ARL2: variants seen among roughly 807,000 people sequenced by gnomAD.
ARL2 encodes the protein ARF like GTPase 2.
In ARL2, 11 loss-of-function variants were observed where a neutral mutation model predicts 22.0. The observed-to-expected ratio is 0.50, with a 90% confidence interval of 0.31 to 0.83. ARL2 has a LOEUF of 0.83. ARL2 is among the 40% of genes least tolerant of loss of function. ARL2 has a pLI of 0.04. For missense variants in ARL2, 216 were observed against 243.2 expected (o/e 0.89, Z 0.74); for synonymous variants, 111 against 100.8 (o/e 1.10, Z -0.61).
chr11:65,020,324 G>A lies in ARL2; in HGVS notation c.340-95G>A, dbSNP rs993455603. ...CACGGGGCCTCACCTTGATCTTCCA[G>A]GTCGATCCTTCACCCCAGATGCTCT... On this transcript the variant is annotated intron_variant, in intron 3 of 4. Coordinates refer to ENST00000246747, the MANE Select transcript of ARL2 (RefSeq NM_001667.4). The A allele has an allele frequency of 7.5e-6, 8 of 1,068,530 alleles. No homozygotes were observed. The Admixed American group carries it at 1.4e-4, about 18-fold the overall frequency. The allele number at this position is 1,068,530 out of a possible 1,614,324, so 66.2% of individuals were successfully genotyped here.
At position 65,018,421 on chromosome 11, in the gene ARL2, C is replaced by G. The variant is rs907294168; in HGVS notation, c.123C>G (p.Ile41Met). The stretch of plus-strand genomic sequence containing the variant: ...TGAAGAAGTTCAATGGGGAGGACAT[C>G]GACACCATCTCCCCAACGCTGGGCT... ...TILKKFNGED[I>M]DTISPTLGFN... The change falls in exon 2 of 5, where the codon ATC becomes ATG. Residue 41 changes from isoleucine (I) to methionine (M), a missense_variant. Physicochemically the swap from Ile to Met is conservative, Grantham distance 10. Coordinates refer to ENST00000246747, the MANE Select transcript of ARL2 (RefSeq NM_001667.4). The surrounding 1 kb of genome is among the most constrained non-coding windows in gnomAD (Gnocchi z 4.2). 2 of 1,609,660 alleles carry G rather than the reference C, an allele frequency of 1.2e-6. No individual in the cohort carries two copies. Among genetic ancestry groups the G allele is most frequent in the Non-Finnish European group, 1.7e-6 (2 of 1,178,374 alleles).
chr11:65,018,477 G>T lies in ARL2; in HGVS notation c.176+3G>T. 1.2e-6 allele frequency: 2 copies of T among 1,606,290 alleles called. No individual in the cohort carries two copies. The highest frequency in any genetic ancestry group is 2.2e-5 in the South Asian group (2 of 89,430). ...ATCAAGACCCTGGAGCACCGAGGGT[G>T]AGCAGGGGCCCCATGGGAGGGCCAG... On this transcript the variant is annotated splice_donor_region_variant and intron_variant, in intron 2 of 4. Coordinates refer to ENST00000246747, the MANE Select transcript of ARL2 (RefSeq NM_001667.4). This position sits in a 1 kb window ranked among gnomAD's most constrained non-coding sequence, Gnocchi z 4.2.
chr11:65,021,798 G>A lies in ARL2; in HGVS notation c.498G>A (p.Leu166=). Residue 166 remains leucine (L), a synonymous_variant, in exon 5 of 5, where the codon CTG becomes CTA. Transcript: ENST00000246747. ...GCGCCGTCACCGGGGAGAACCTGCT[G>A]CCGGGCATCGACTGGCTCCTGGATG... The part of the protein sequence containing the change: ...GCSAVTGENL[L]PGIDWLLDDI... 1 of 1,613,440 alleles carries A rather than the reference G, an allele frequency of 6.2e-7. No homozygotes were observed. Among genetic ancestry groups the A allele is most frequent in the African/African-American group, 1.3e-5 (1 of 75,034 alleles).
intron 4 of ARL2, among the ~76,000 whole-genome samples, chr11:65,021,121 C>T (rs911807596): frequency 1.3e-5 from 2 of 152,180 alleles, no homozygotes; most frequent in African/African-American, 2.4e-5. Flanking sequence ...TCACAACCAC[C>T]TCATGAGGTG....
chr11:65,014,794 TG>T (rs1946230266), intron 1 of ARL2, among the ~76,000 whole-genome samples: 1 of 152,198 alleles, frequency 6.6e-6, no homozygotes, highest in Admixed American at 6.5e-5. Context: ...TGTGTGTGTG[TG>T]GGCCCGAGTG....
chr11:65,022,093 A>C lies in ARL2; in HGVS notation c.*238A>C. 1.8e-6 allele frequency: 1 copy of C among 552,716 alleles called. No individual in the cohort carries two copies. The highest frequency in any genetic ancestry group is 3.2e-6 in the Non-Finnish European group (1 of 313,986). 34.2% of individuals were successfully genotyped at this position (552,716 alleles called of 1,614,324 possible). ...CCTTTGGCTACCATACCAAGAAGAG[A>C]GGGCTGGGCGGGGAGGAGCTGCTAC... On this transcript the variant is annotated 3_prime_UTR_variant, in exon 5 of 5. Coordinates refer to ENST00000246747, the MANE Select transcript of ARL2 (RefSeq NM_001667.4).
In ARL2 at chr11:65,021,045, G is replaced by A. The variant is rs539100345; in HGVS notation, c.420+546G>A. ...GCGCATGTGTTGTTCACAGGCTAACGGTAGCCAGCACAAGTCAGTGCTTTC... is the reference window on the plus strand; with the variant it reads ...GCGCATGTGTTGTTCACAGGCTAACAGTAGCCAGCACAAGTCAGTGCTTTC... On this transcript the variant is annotated intron_variant, in intron 4 of 4. Transcript: ENST00000246747. 1.4e-4 allele frequency among the ~76,000 whole-genome samples: 21 copies of A among 152,332 alleles called. No individual in the cohort carries two copies. In the East Asian group the frequency reaches 3.7e-3, roughly 27 times the overall value.
chr11:65,020,676 C>G, intron 4 of ARL2, 177 bp downstream of exon 4: 1 of 600,670 alleles, frequency 1.7e-6, no homozygotes, highest in Non-Finnish European at 2.9e-6. Flanking sequence ...CGAGACCAGC[C>G]TGACCAACAT....
chr11:65,021,573 T>A, intron 4 of ARL2, 148 bp from the exon 5 acceptor site: 2 of 1,040,118 alleles, frequency 1.9e-6, no homozygotes, highest in Non-Finnish European at 2.7e-6. Flanking sequence ...AAACTCTCCC[T>A]GGGACCGGCG....
rs777969505 is a variant in ARL2, at chr11:65,014,164, C to T, written c.-44C>T. ...CCAACAGGAACCGGGAGCGGGGTCC[C>T]GGGACTGGGAAGAAACGGCGGCCGG... On this transcript the variant is annotated 5_prime_UTR_variant, in exon 1 of 5. Transcript: ENST00000246747. 4 of 1,480,654 alleles carry T rather than the reference C, an allele frequency of 2.7e-6. No homozygotes were observed. Among genetic ancestry groups the T allele is most frequent in the African/African-American group, 1.5e-5 (1 of 68,476 alleles). The allele number at this position is 1,480,654 out of a possible 1,614,324, so 91.7% of individuals were successfully genotyped here.
chr11:65,018,851 G>C lies in ARL2; in HGVS notation c.339+118G>C. ...AGAGGCAGGATCCCTTCCTTCTCTG[G>C]GCCCCCACCATGGGAGGCCCATGGT... On this transcript the variant is annotated intron_variant, in intron 3 of 4. Transcript: ENST00000246747. This position sits in a 1 kb window ranked among gnomAD's most constrained non-coding sequence, Gnocchi z 4.2. 3 of 1,542,554 alleles carry C rather than the reference G, an allele frequency of 1.9e-6. No individual in the cohort carries two copies. Among genetic ancestry groups the C allele is most frequent in the Non-Finnish European group, 2.6e-6 (3 of 1,150,034 alleles).
intron 1 of ARL2, among the ~76,000 whole-genome samples, chr11:65,016,761 C>T (rs1946261908): frequency 6.6e-6 from 1 of 151,806 alleles, no homozygotes; most frequent in Admixed American, 6.6e-5. Flanking sequence ...TGGGTGTTAT[C>T]AGGATAGAGA....
Position 65,014,377 on chromosome 11 carries a change from A to C in ARL2, c.65+105A>C, listed in dbSNP as rs931987646. ...GGAACGCGGCGGCCGGCGCGTCCCA[A>C]CTGCCCCTGGCGTCACCACGCGGGC... On this transcript the variant is annotated intron_variant, in intron 1 of 4. Transcript: ENST00000246747. The C allele has an allele frequency of 1.1e-5, 11 of 965,924 alleles. No homozygotes were observed. In the Admixed American group the frequency reaches 3.5e-4, roughly 30 times the overall value. The allele number at this position is 965,924 out of a possible 1,614,324, so 59.8% of individuals were successfully genotyped here. A position where few individuals can be genotyped will look rare whatever the true frequency, so the allele number is the denominator to read the frequency against.
Position 65,018,121 on chromosome 11 carries a change from C to T in ARL2, c.66-243C>T, listed in dbSNP as rs892750975. 6.6e-6 allele frequency among the ~76,000 whole-genome samples: 1 copy of T among 152,192 alleles called. No homozygotes were observed. Among genetic ancestry groups the T allele is most frequent in the African/African-American group, 2.4e-5 (1 of 41,450 alleles). On this transcript the variant is annotated intron_variant, in intron 1 of 4. Coordinates refer to ENST00000246747, the MANE Select transcript of ARL2 (RefSeq NM_001667.4). The surrounding 1 kb of genome is among the most constrained non-coding windows in gnomAD (Gnocchi z 4.2). ...AAGCTTCCTAAGGGCAGGGCTTTGTCCTCTAGCACCCAGAAGAGGGTCTGG... is the reference window on the plus strand; with the variant it reads ...AAGCTTCCTAAGGGCAGGGCTTTGTTCTCTAGCACCCAGAAGAGGGTCTGG...
At chr11:65,014,873 A>G (rs1946231307) in intron 1 of ARL2, among the ~76,000 whole-genome samples, 1 of 152,332 alleles carries the variant, frequency 6.6e-6, no homozygotes, top group South Asian at 2.1e-4. Context: ...GCTCTGTGCC[A>G]GGCTCCGCGG....
Sources: gnomAD v4.1 joint callset for allele counts (sites outside exome capture counted in the v4.1 genomes callset) on GRCh38, gnomAD v4.1.1 for gene constraint, Gnocchi (gnomAD v3.1) non-coding constraint, MANE v1.5 for transcripts, NCBI Gene and HGNC (gene_info 2026-07-23, HGNC 2026-07-21) for gene names.